MDGA2: variants seen among roughly 807,000 people sequenced by gnomAD.
MDGA2 encodes the protein MAM domain containing glycosylphosphatidylinositol anchor 2, also known as MAM domain-containing glycosylphosphatidylinositol anchor protein 2.
A neutral mutation model predicts 117.8 loss-of-function variants in MDGA2; 40 were observed. The ratio of observed to expected loss-of-function variants is 0.34; its 90% CI spans 0.26 to 0.44. MDGA2 has a LOEUF of 0.44. MDGA2 is among the 20% of genes least tolerant of loss of function. MDGA2 has a pLI of 1.00. For missense variants in MDGA2, 1,123 were observed against 1,250.6 expected, an observed-to-expected ratio of 0.90 and a Z score of 1.54; for synonymous variants, 452 against 439.0, an observed-to-expected ratio of 1.03 and a Z score of -0.37.
intron 9 of MDGA2, among the ~76,000 whole-genome samples, chr14:46,937,096 G>A (rs930445410): frequency 6.6e-6 from 1 of 151,962 alleles, no homozygotes; most frequent in Admixed American, 6.6e-5. Context: ...TAATAAAGTT[G>A]CAGGACACAA....
At chr14:47,562,938 T>C (rs972462392) in intron 1 of MDGA2, among the ~76,000 whole-genome samples, 6 of 152,148 alleles carry the variant, frequency 3.9e-5, no homozygotes, top group Non-Finnish European at 7.4e-5. Context: ...CTTATCGTTG[T>C]TCTCATTAAT....
At chr14:47,573,623 T>C (rs1271294742) in intron 1 of MDGA2, among the ~76,000 whole-genome samples, 1 of 152,176 alleles carries the variant, frequency 6.6e-6, no homozygotes, top group Non-Finnish European at 1.5e-5. Context: ...TTTAACTAAT[T>C]AGAGGTTGTA....
intron 1 of MDGA2, among the ~76,000 whole-genome samples, chr14:47,407,010 A>C (rs932356824): frequency 1.3e-5 from 2 of 152,048 alleles, no homozygotes; most frequent in Non-Finnish European, 1.5e-5. Flanking sequence ...ATTTCCTAAA[A>C]GGTATTGTAT....
chr14:47,012,321 T>G (rs1380042755), intron 8 of MDGA2, among the ~76,000 whole-genome samples: 1 of 152,134 alleles, frequency 6.6e-6, no homozygotes, highest in Non-Finnish European at 1.5e-5. Flanking sequence ...ACACTTCAGG[T>G]GCTGCATTCT....
chr14:46,848,564 T>C (rs1880933713), intron 15 of MDGA2, among the ~76,000 whole-genome samples: 1 of 151,866 alleles, frequency 6.6e-6, no homozygotes, highest in South Asian at 2.1e-4. Context: ...TCCTCCTTTT[T>C]ATATTAATTT....
At chr14:47,575,171 C>A (rs1371871317) in intron 1 of MDGA2, among the ~76,000 whole-genome samples, 1 of 152,080 alleles carries the variant, frequency 6.6e-6, no homozygotes, top group Non-Finnish European at 1.5e-5. Context: ...AATATATTAA[C>A]TTTGCAAATG....
chr14:46,874,243 A>G (rs1038612683), intron 12 of MDGA2, 43 bp from the exon 13 acceptor site: 9 of 957,744 alleles, frequency 9.4e-6, no homozygotes, highest in African/African-American at 3.4e-5. Flanking sequence ...TTAAATTAAT[A>G]CACATACTGC....
chr14:47,195,015 C>T (rs1355981753), intron 3 of MDGA2, among the ~76,000 whole-genome samples: 2 of 151,918 alleles, frequency 1.3e-5, no homozygotes, highest in African/African-American at 4.8e-5. Context: ...TTGATTTAAA[C>T]ACAAGTTCTC....
intron 1 of MDGA2, among the ~76,000 whole-genome samples, chr14:47,622,167 G>T (rs547367540): frequency 6.6e-6 from 1 of 152,226 alleles, no homozygotes; most frequent in African/African-American, 2.4e-5. Flanking sequence ...AATACATATT[G>T]CATTAAGTCA....
chr14:47,458,400 G>A (rs1893408706), intron 1 of MDGA2, among the ~76,000 whole-genome samples: 1 of 152,152 alleles, frequency 6.6e-6, no homozygotes, highest in South Asian at 2.1e-4. Flanking sequence ...CCTTCTGGAA[G>A]TTTTATTGTT....
chr14:47,236,027 TG>T (rs1317733785), intron 2 of MDGA2, among the ~76,000 whole-genome samples: 10 of 152,046 alleles, frequency 6.6e-5, no homozygotes, highest in Non-Finnish European at 1.3e-4. Context: ...AAAAACACTG[TG>T]GGGCCTGTAA....
At chr14:47,604,000 G>GCTGA (rs1213365442) in intron 1 of MDGA2, among the ~76,000 whole-genome samples, 3 of 152,186 alleles carry the variant, frequency 2.0e-5, no homozygotes, top group African/African-American at 7.2e-5. Flanking sequence ...TTCCCCAGAA[G>GCTGA]CTGAGCAGGT....
At chr14:47,570,032 C>T (rs572422356) in intron 1 of MDGA2, among the ~76,000 whole-genome samples, 26 of 152,096 alleles carry the variant, frequency 1.7e-4, no homozygotes, top group African/African-American at 5.8e-4. Context: ...TTAAGTGTAA[C>T]CTCACACATT....
intron 3 of MDGA2, among the ~76,000 whole-genome samples, chr14:47,194,409 TA>T (rs1200928104): frequency 6.6e-6 from 1 of 152,148 alleles, no homozygotes; most frequent in Non-Finnish European, 1.5e-5. Flanking sequence ...TGAAGAATTG[TA>T]GTAAATTCAC....
At chr14:46,918,558 T>A (rs1883989941) in intron 10 of MDGA2, among the ~76,000 whole-genome samples, 1 of 152,134 alleles carries the variant, frequency 6.6e-6, no homozygotes, top group Non-Finnish European at 1.5e-5. Context: ...TGCTCAGATT[T>A]ACCTACAGTC....
intron 1 of MDGA2, among the ~76,000 whole-genome samples, chr14:47,406,312 T>C (rs1892259955): frequency 6.6e-6 from 1 of 152,044 alleles, no homozygotes; most frequent in South Asian, 2.1e-4. Flanking sequence ...TCCTTTAAAA[T>C]GACAAAATTA....
At chr14:46,888,209 C>T (rs1376403177) in intron 10 of MDGA2, among the ~76,000 whole-genome samples, 1 of 151,926 alleles carries the variant, frequency 6.6e-6, no homozygotes, top group African/African-American at 2.4e-5. Context: ...TCTCAGTGAG[C>T]TGTGCAAAAT....
At chr14:47,623,313 A>G (rs1035297790) in intron 1 of MDGA2, among the ~76,000 whole-genome samples, 4 of 152,212 alleles carry the variant, frequency 2.6e-5, no homozygotes, top group African/African-American at 9.7e-5. Context: ...TTCTACATAG[A>G]TTAACCAGTC....
At chr14:46,957,026 T>C (rs1885589080) in intron 9 of MDGA2, among the ~76,000 whole-genome samples, 1 of 152,152 alleles carries the variant, frequency 6.6e-6, no homozygotes. Flanking sequence ...GCTTCCTGTT[T>C]AGCTTGTAGA....
Sources: allele counts gnomAD v4.1 joint callset (sites outside exome capture counted in the v4.1 genomes callset), GRCh38; gene constraint gnomAD v4.1.1; transcripts MANE v1.5; gene names NCBI Gene and HGNC (gene_info 2026-07-23, HGNC 2026-07-21).